Variants in ARHGAP8 observed in about 807,000 individuals in gnomAD.
ARHGAP8 encodes rho GTPase-activating protein 8.
In ARHGAP8, 62 loss-of-function variants were observed where a neutral mutation model predicts 46.1. The ratio of observed to expected loss-of-function variants is 1.34; its 90% CI spans 1.10 to 1.66. The LOEUF is 1.66. ARHGAP8 is among the 40% of genes most tolerant of loss of function. The pLI is 0.00. For synonymous variants in ARHGAP8, 375 were observed against 243.1 expected, an observed-to-expected ratio of 1.54 and a Z score of -5.05; for missense variants, 923 against 568.4, an observed-to-expected ratio of 1.62 and a Z score of -6.34.
At chr22:44,825,939 G>C (rs934208049) in intron 7 of ARHGAP8, among the ~76,000 whole-genome samples, 3 of 117,928 alleles carry the variant, frequency 2.5e-5, no homozygotes, top group Admixed American at 1.0e-4. Context: ...GGTCGGGGGG[G>C]TGCGTGTCAC....
intron 2 of ARHGAP8, chr22:44,801,687 C>A: frequency 4.3e-6 from 1 of 233,168 alleles, no homozygotes; most frequent in Non-Finnish European, 8.4e-6. Flanking sequence ...TGGCCTCCAC[C>A]ATGGCCCAGA....
chr22:44,801,957 C>G, intron 2 of ARHGAP8, 120 bp from the exon 3 acceptor site: 1 of 1,163,100 alleles, frequency 8.6e-7, no homozygotes, highest in Non-Finnish European at 1.2e-6. Flanking sequence ...CTCCGAGGAA[C>G]GCTGCTGCCT....
chr22:44,769,818 C>T (rs146604761), intron 1 of ARHGAP8, among the ~76,000 whole-genome samples: 70 of 152,296 alleles, frequency 4.6e-4, no homozygotes, highest in African/African-American at 1.6e-3. Flanking sequence ...CAAGGCCAGC[C>T]CACACAGGAG....
chr22:44,830,024 C>CTCT (rs543807573), intron 7 of ARHGAP8, among the ~76,000 whole-genome samples: 6 of 142,582 alleles, frequency 4.2e-5, no homozygotes, highest in Admixed American at 1.4e-4. Context: ...TCCTCTCTCT[C>CTCT]TTTTTTTTTT....
chr22:44,825,590 A>T lies in ARHGAP8; in HGVS notation c.593A>T (p.Gln198Leu), dbSNP rs776418093. The T allele has an allele frequency of 8.1e-6, 13 of 1,612,030 alleles. No homozygotes were observed. The South Asian group carries it at 1.4e-4, about 18-fold the overall frequency. ...LPTQQFGVSL[Q>L]YLKDKNQGEL... ...ACACAGCAGTTTGGCGTCAGTCTGC[A>T]ATAGTAAGTGAGCCGGGGATGTGCC... Residue 198 changes from glutamine to leucine, a missense_variant, in exon 7 of 12, where the codon CAA (glutamine) becomes CTA (leucine). Coordinates refer to ENST00000356099, the MANE Select transcript of ARHGAP8 (RefSeq NM_181335.3).
intron 7 of ARHGAP8, among the ~76,000 whole-genome samples, chr22:44,837,008 C>T (rs1257535837): frequency 6.6e-6 from 1 of 152,168 alleles, no homozygotes; most frequent in Non-Finnish European, 1.5e-5. Context: ...CCCCAGCCTC[C>T]TGAGTAGCTG....
chr22:44,811,591 G>A (rs1198285366), intron 4 of ARHGAP8, among the ~76,000 whole-genome samples: 2 of 152,182 alleles, frequency 1.3e-5, no homozygotes, highest in East Asian at 3.9e-4. Flanking sequence ...TAGGGTTAGC[G>A]TTACAGATCT....
intron 7 of ARHGAP8, among the ~76,000 whole-genome samples, chr22:44,840,494 A>G (rs1931578506): frequency 6.6e-6 from 1 of 152,052 alleles, no homozygotes; most frequent in South Asian, 2.1e-4. Flanking sequence ...CCTGTCCGGT[A>G]TCTTAGTCTA....
chr22:44,854,134 T>G (rs1055144423), intron 10 of ARHGAP8, among the ~76,000 whole-genome samples: 12 of 151,216 alleles, frequency 7.9e-5, no homozygotes, highest in African/African-American at 2.9e-4. Context: ...CAATATATTT[T>G]AAGTTTCCTG....
chr22:44,824,569 G>A lies in ARHGAP8; in HGVS notation c.486-914G>A, dbSNP rs142271228. Among the ~76,000 whole-genome samples the A allele has an allele frequency of 1.6e-3, 250 of 152,072 alleles. 1 individual carries two copies. Among genetic ancestry groups the A allele is most frequent in the African/African-American group, 5.6e-3 (232 of 41,468 alleles). ...CATAGTAGGGCTTCAATACGTATTTGCCTGTGTTAAGGAAGGACTGTTACC... is the reference window on the plus strand; with the variant it reads ...CATAGTAGGGCTTCAATACGTATTTACCTGTGTTAAGGAAGGACTGTTACC... On this transcript the variant is annotated intron_variant, in intron 6 of 11. Coordinates refer to ENST00000356099, the MANE Select transcript of ARHGAP8 (RefSeq NM_181335.3).
chr22:44,859,171 T>C (rs865915905), intron 10 of ARHGAP8, among the ~76,000 whole-genome samples: 44 of 152,286 alleles, frequency 2.9e-4, no homozygotes, highest in Middle Eastern at 3.4e-3. Flanking sequence ...ATGGAGCTTG[T>C]AGAATTCAGG....
Position 44,802,101 on chromosome 22 carries a change from T to G in ARHGAP8, c.104T>G (p.Val35Gly), listed in dbSNP as rs201465628. The G allele has an allele frequency of 1.2e-6, 2 of 1,614,130 alleles. No individual in the cohort carries two copies. The highest frequency in any genetic ancestry group is 3.3e-5 in the Admixed American group (2 of 60,014). The change falls in exon 3 of 12, where the codon GTT (valine) becomes GGT (glycine). Residue 35 changes from valine to glycine, a missense_variant. By Grantham distance (109) the Val-to-Gly change is moderately radical. Transcript: ENST00000356099. ...VAGDDRFGRR[V>G]VTFSCCRMPP... ...GGGGATGACCGCTTTGGAAGACGTGTTGTCACGTTCAGCTGCTGCCGGATG... is the reference window on the plus strand; with the variant it reads ...GGGGATGACCGCTTTGGAAGACGTGGTGTCACGTTCAGCTGCTGCCGGATG...
Position 44,845,645 on chromosome 22 carries a change from C to T in ARHGAP8, c.670+303C>T, listed in dbSNP as rs574005292. 2.5e-4 allele frequency among the ~76,000 whole-genome samples: 38 copies of T among 152,292 alleles called. 1 individual carries two copies. In the East Asian group the frequency reaches 2.9e-3, roughly 12 times the overall value. ...TTGTAGGATTGTTGTAACCCCTAAA[C>T]GAGACAGTGCCTGCAAAGCACTTCG... On this transcript the variant is annotated intron_variant, in intron 8 of 11. Transcript: ENST00000356099.
chr22:44,777,125 C>T (rs4373), intron 1 of ARHGAP8: 129,359 of 151,914 alleles, frequency 0.85, 55,188 homozygotes, highest in Non-Finnish European at 0.88. Flanking sequence ...AAGTCTGAAT[C>T]ATTCCACTCC....
intron 3 of ARHGAP8, among the ~76,000 whole-genome samples, chr22:44,807,857 C>T (rs373331172): frequency 1.6e-4 from 25 of 152,182 alleles, no homozygotes; most frequent in Admixed American, 3.3e-4. Context: ...GCTTTGCCTC[C>T]GTCTTTACGT....
Position 44,808,578 on chromosome 22 carries a change from G to A in ARHGAP8, c.299+140G>A, listed in dbSNP as rs1414845838. ...AGGGTGGAGGGTGAGCAAATGTGGG[G>A]CAGTGGAGGTTCACCTCCCCTCTGG... On this transcript the variant is annotated intron_variant, in intron 4 of 11. Transcript: ENST00000356099. 4.8e-6 allele frequency: 7 copies of A among 1,468,582 alleles called. No individual in the cohort carries two copies. The African/African-American group carries it at 8.4e-5, about 18-fold the overall frequency. The allele number at this position is 1,468,582 out of a possible 1,614,324, so 91.0% of individuals were successfully genotyped here.
intron 1 of ARHGAP8, among the ~76,000 whole-genome samples, chr22:44,756,301 T>G (rs1368343655): frequency 6.6e-6 from 1 of 152,122 alleles, no homozygotes; most frequent in Non-Finnish European, 1.5e-5. Flanking sequence ...GCTGCAAGTT[T>G]GTTATCACAG....
intron 2 of ARHGAP8, among the ~76,000 whole-genome samples, chr22:44,789,977 C>T (rs1927542328): frequency 6.6e-6 from 1 of 152,188 alleles, no homozygotes; most frequent in Admixed American, 6.6e-5. Context: ...CTGTTACAAA[C>T]AGCTTATCAC....
chr22:44,829,977 G>A (rs1220653455), intron 7 of ARHGAP8, among the ~76,000 whole-genome samples: 1 of 151,918 alleles, frequency 6.6e-6, no homozygotes, highest in Non-Finnish European at 1.5e-5. Context: ...GGCTGGGTGG[G>A]GCAGGTCATG....
Sources: gnomAD v4.1 joint callset for allele counts (sites outside exome capture counted in the v4.1 genomes callset) on GRCh38, gnomAD v4.1.1 for gene constraint, MANE v1.5 for transcripts, NCBI Gene and HGNC (gene_info 2026-07-23, HGNC 2026-07-21) for gene names.